Variants in ACVR1 observed in about 807,000 individuals in gnomAD.
ACVR1 encodes the protein activin A receptor type 1.
A neutral mutation model predicts 57.1 loss-of-function variants in ACVR1; 38 were observed. That is an observed-to-expected ratio of 0.67 (90% confidence interval 0.51 to 0.87). The LOEUF (loss-of-function observed/expected upper bound fraction) is 0.87, where lower values mean the gene tolerates loss of function less well. ACVR1 is among the 40% of genes least tolerant of loss of function. The probability of loss-of-function intolerance (pLI) is 0.00; values close to 1 mark genes in which losing one functional copy is unlikely to be tolerated. For synonymous variants in ACVR1, 212 were observed against 228.1 expected (o/e 0.93, Z 0.63); for missense variants, 463 against 638.2 (o/e 0.73, Z 2.96).
At chr2:157,811,350 A>G (rs1460884850) in intron 2 of ACVR1, among the ~76,000 whole-genome samples, 1 of 152,038 alleles carries the variant, frequency 6.6e-6, no homozygotes, top group Non-Finnish European at 1.5e-5. Flanking sequence ...GAAATCACCC[A>G]TTCTTTAGTC....
At chr2:157,775,748 A>T (rs545776082) in intron 5 of ACVR1, among the ~76,000 whole-genome samples, 5 of 152,326 alleles carry the variant, frequency 3.3e-5, no homozygotes, top group Admixed American at 3.3e-4. Flanking sequence ...TCTGAAAATT[A>T]AACTAATGTG....
At chr2:157,771,071 AAAAC>A (rs1240110517) in intron 6 of ACVR1, among the ~76,000 whole-genome samples, 2 of 152,232 alleles carry the variant, frequency 1.3e-5, no homozygotes, top group African/African-American at 4.8e-5. Context: ...TTAAAAAACA[AAAAC>A]AAACCAAAAC....
intron 1 of ACVR1, among the ~76,000 whole-genome samples, chr2:157,869,951 T>G (rs776284529): frequency 2.0e-5 from 3 of 152,244 alleles, no homozygotes; most frequent in Non-Finnish European, 4.4e-5. Flanking sequence ...CCTAAGCTCC[T>G]GCCTTTATGG....
intron 9 of ACVR1, among the ~76,000 whole-genome samples, chr2:157,747,783 C>T (rs1033211916): frequency 1.3e-5 from 2 of 151,664 alleles, no homozygotes; most frequent in South Asian, 2.1e-4. Flanking sequence ...TGTATACACA[C>T]GTGAATGTTC....
chr2:157,778,700 G>A (rs931470301), intron 4 of ACVR1, among the ~76,000 whole-genome samples: 4 of 152,176 alleles, frequency 2.6e-5, no homozygotes, highest in African/African-American at 9.6e-5. Flanking sequence ...CTATCCTTAA[G>A]AGAAAGGGCT....
Position 157,778,183 on chromosome 2 carries a change from T to C in ACVR1, c.491A>G (p.Tyr164Cys). 1.9e-6 allele frequency: 3 copies of C among 1,613,998 alleles called. No individual in the cohort carries two copies. The highest frequency in any genetic ancestry group is 2.5e-6 in the Non-Finnish European group (3 of 1,179,946). ...QERLNPRDVE[Y>C]GTIEGLITTN... Reference sequence around the variant, plus strand: ...GGTGATGAGCCCTTCGATAGTGCCATACTCCACGTCTCGGGGATTGAGGCG... The same window carrying C: ...GGTGATGAGCCCTTCGATAGTGCCACACTCCACGTCTCGGGGATTGAGGCG... The change falls in exon 5 of 11, where the codon TAT (tyrosine) becomes TGT (cysteine). Residue 164 changes from tyrosine (Y) to cysteine (C), a missense_variant. Coordinates refer to ENST00000434821, the MANE Select transcript of ACVR1 (RefSeq NM_001111067.4).
chr2:157,777,591 A>G (rs1288333580), intron 5 of ACVR1, among the ~76,000 whole-genome samples: 1 of 152,172 alleles, frequency 6.6e-6, no homozygotes, highest in African/African-American at 2.4e-5. Context: ...TGTGATGCAC[A>G]TGTTTCTATT....
At chr2:157,777,402 A>T (rs1164815796) in intron 5 of ACVR1, among the ~76,000 whole-genome samples, 1 of 152,236 alleles carries the variant, frequency 6.6e-6, no homozygotes, top group African/African-American at 2.4e-5. Flanking sequence ...AATTTACTTC[A>T]AAAGCAAAAA....
At chr2:157,838,953 T>C (rs1036036204) in intron 1 of ACVR1, among the ~76,000 whole-genome samples, 4 of 152,222 alleles carry the variant, frequency 2.6e-5, no homozygotes, top group Non-Finnish European at 2.9e-5. Flanking sequence ...TTGAGTTTTC[T>C]GCAATGCACC....
chr2:157,802,029 T>C (rs1048376501), intron 2 of ACVR1, among the ~76,000 whole-genome samples: 2 of 152,194 alleles, frequency 1.3e-5, no homozygotes, highest in Admixed American at 6.5e-5. Flanking sequence ...CAAGATTCCA[T>C]AATTAAAAAC....
rs371845241 is a variant in ACVR1, at chr2:157,791,125, C to A, written c.67+8302G>T. Among the ~76,000 whole-genome samples the A allele has an allele frequency of 1.2e-4, 19 of 152,352 alleles. No homozygotes were observed. In the East Asian group the frequency reaches 1.9e-3, roughly 15 times the overall value. Reference sequence around the variant, plus strand: ...AACCCAGCTCCATGTGGAATGCAGGCCTTTCCTGTCCATACGCCTCATGCT... The same window carrying A: ...AACCCAGCTCCATGTGGAATGCAGGACTTTCCTGTCCATACGCCTCATGCT... On this transcript the variant is annotated intron_variant, in intron 3 of 10. Coordinates refer to ENST00000434821, the MANE Select transcript of ACVR1 (RefSeq NM_001111067.4).
intron 1 of ACVR1, among the ~76,000 whole-genome samples, chr2:157,839,347 G>A (rs35339214): frequency 0.021 from 3,232 of 152,300 alleles, 57 homozygotes; most frequent in South Asian, 0.065. Flanking sequence ...GTCAGATAAG[G>A]AATTTTCATT....
chr2:157,823,614 G>C (rs192001459), intron 1 of ACVR1, among the ~76,000 whole-genome samples: 137 of 152,276 alleles, frequency 9.0e-4, no homozygotes, highest in African/African-American at 3.2e-3. Flanking sequence ...AAATATTAGA[G>C]CACCTTTCTC....
chr2:157,853,973 C>G (rs1021528639), intron 1 of ACVR1, among the ~76,000 whole-genome samples: 1 of 152,146 alleles, frequency 6.6e-6, no homozygotes, highest in Non-Finnish European at 1.5e-5. Flanking sequence ...TAAGTTTCCC[C>G]CTCTGGGTCA....
chr2:157,759,888 A>G (rs1685577411), intron 9 of ACVR1, among the ~76,000 whole-genome samples: 1 of 152,174 alleles, frequency 6.6e-6, no homozygotes, highest in African/African-American at 2.4e-5. Flanking sequence ...TGTCTATTCA[A>G]CATCCCTTCA....
rs960693535 is a variant in ACVR1 at position 157,763,439 on chromosome 2, C to A, written c.1067-2362G>T. Among the ~76,000 whole-genome samples the A allele has an allele frequency of 2.6e-5, 4 of 152,058 alleles. No individual in the cohort carries two copies. In the South Asian group the frequency reaches 8.3e-4, roughly 32 times the overall value. Reference sequence around the variant, plus strand: ...TTTTAATAATAAAAAGAAAAACAGACGAGGCACAGTGGCTCACATCTGTAA... The same window carrying A: ...TTTTAATAATAAAAAGAAAAACAGAAGAGGCACAGTGGCTCACATCTGTAA... On this transcript the variant is annotated intron_variant, in intron 8 of 10. Transcript: ENST00000434821.
chr2:157,747,432 T>C (rs537832713), intron 9 of ACVR1, among the ~76,000 whole-genome samples: 2 of 152,206 alleles, frequency 1.3e-5, no homozygotes, highest in South Asian at 4.1e-4. Flanking sequence ...ACAGGATATC[T>C]AACAATATGG....
At position 157,828,343 on chromosome 2, in the gene ACVR1, G is replaced by A. The variant is rs528302854; in HGVS notation, c.-182-9784C>T. Among the ~76,000 whole-genome samples the A allele has an allele frequency of 5.3e-5, 8 of 151,740 alleles. No individual in the cohort carries two copies. The East Asian group carries it at 1.6e-3, about 29-fold the overall frequency. ...CGGATGCCTGTAATCCCAGCTACTC[G>A]GGAGACTGAGGCGGGAGAATCGATT... On this transcript the variant is annotated intron_variant, in intron 1 of 10. Coordinates refer to ENST00000434821, the MANE Select transcript of ACVR1 (RefSeq NM_001111067.4).
In ACVR1 at chr2:157,765,456, G is replaced by A. The variant is rs534832422; in HGVS notation, c.1066+465C>T. Among the ~76,000 whole-genome samples the A allele has an allele frequency of 2.0e-5, 3 of 152,272 alleles. No homozygotes were observed. The South Asian group carries it at 6.2e-4, about 32-fold the overall frequency. On this transcript the variant is annotated intron_variant, in intron 8 of 10. Transcript: ENST00000434821. Reference sequence around the variant, plus strand: ...GCAGGGACTGACTGAATGAGCCTGAGGTAACTGTCAAGAGTAATGGGAAAC... The same window carrying A: ...GCAGGGACTGACTGAATGAGCCTGAAGTAACTGTCAAGAGTAATGGGAAAC...
Sources: gnomAD v4.1 joint callset for allele counts (sites outside exome capture counted in the v4.1 genomes callset) on GRCh38, gnomAD v4.1.1 for gene constraint, MANE v1.5 for transcripts, NCBI Gene and HGNC (gene_info 2026-07-23, HGNC 2026-07-21) for gene names.